ETNK2: variants seen among roughly 807,000 people sequenced by gnomAD.
ETNK2 encodes the protein ethanolamine kinase 2.
A neutral mutation model predicts 46.2 loss-of-function variants in ETNK2; 33 were observed. The observed-to-expected ratio is 0.71, with a 90% CI of 0.54 to 0.96. ETNK2 has a LOEUF of 0.96. Among genes scored for constraint, ETNK2 ranks in the 40% least tolerant of loss-of-function variants. The pLI is 0.00. For missense variants in ETNK2, 445 were observed against 509.7 expected, an observed-to-expected ratio of 0.87 and a Z score of 1.22; for synonymous variants, 194 against 209.0, an observed-to-expected ratio of 0.93 and a Z score of 0.62.
chr1:204,145,237 G>A (rs1446706026), intron 3 of ETNK2, among the ~76,000 whole-genome samples: 2 of 152,212 alleles, frequency 1.3e-5, no homozygotes, highest in Non-Finnish European at 2.9e-5. Flanking sequence ...CAAAGAGATT[G>A]GGCCAGCTCT....
intron 3 of ETNK2, among the ~76,000 whole-genome samples, chr1:204,143,878 C>T (rs187516074): frequency 5.9e-5 from 9 of 152,322 alleles, no homozygotes; most frequent in Middle Eastern, 3.4e-3. Context: ...ACTCTGGACA[C>T]ATCCATGTCA....
chr1:204,136,971 G>A, intron 6 of ETNK2, 133 bp downstream of exon 6: 1 of 1,204,594 alleles, frequency 8.3e-7, no homozygotes, highest in Non-Finnish European at 1.2e-6. Context: ...CTCTAGGGTG[G>A]GGTCAGGAGC....
At chr1:204,136,410 T>C (rs1657284709) in intron 6 of ETNK2, among the ~76,000 whole-genome samples, 1 of 148,804 alleles carries the variant, frequency 6.7e-6, no homozygotes, top group Non-Finnish European at 1.5e-5. Context: ...AAAGTATATA[T>C]ATATATATAT....
chr1:204,145,960 T>G (rs1195714915), intron 3 of ETNK2, among the ~76,000 whole-genome samples: 1 of 151,750 alleles, frequency 6.6e-6, no homozygotes, highest in Non-Finnish European at 1.5e-5. Flanking sequence ...CTGGTCAGAG[T>G]GCTTAAGGGA....
In ETNK2 at chr1:204,151,870, C is replaced by T. The variant is rs548341006; in HGVS notation, c.-18G>A. 1 of 1,421,212 alleles carries T rather than the reference C, an allele frequency of 7.0e-7. No homozygotes were observed. Among genetic ancestry groups the T allele is most frequent in the Non-Finnish European group, 9.1e-7 (1 of 1,093,032 alleles). The allele number at this position is 1,421,212 out of a possible 1,614,324, so 88.0% of individuals were successfully genotyped here. On this transcript the variant is annotated 5_prime_UTR_variant, in exon 1 of 8. Coordinates refer to ENST00000367202, the MANE Select transcript of ETNK2 (RefSeq NM_018208.4). The surrounding 1 kb of genome is among the most constrained non-coding windows in gnomAD (Gnocchi z 8.0). ...ACAGCCATTCCCAGCAGCCCCACCC[C>T]CTCGGAGCCGCGGCAGACGCTAGCC...
intron 2 of ETNK2, among the ~76,000 whole-genome samples, chr1:204,147,749 TGGGATAACAGAGCAGTTTTGGG>T (rs1471503267): frequency 6.6e-6 from 1 of 152,206 alleles, no homozygotes; most frequent in Non-Finnish European, 1.5e-5. Flanking sequence ...CATACCCTAC[TGGGATAACAGAGCAGTTTTGGG>T]GTTCCTCTGG....
chr1:204,149,992 GGGT>G, intron 1 of ETNK2, 30 bp from the exon 2 acceptor site: 6 of 920,688 alleles, frequency 6.5e-6, no homozygotes, highest in South Asian at 4.5e-5. Flanking sequence ...GTGCGTGGGT[GGGT>G]GGGTGGGGCA....
chr1:204,139,781 TGCATGGTATA>T (rs1443198822), intron 5 of ETNK2, among the ~76,000 whole-genome samples: 8 of 152,212 alleles, frequency 5.3e-5, no homozygotes, highest in African/African-American at 1.9e-4. Context: ...ACACCTAGGC[TGCATGGTATA>T]GCCTGTTGCT....
chr1:204,145,734 C>T (rs1306153938), intron 3 of ETNK2, among the ~76,000 whole-genome samples: 2 of 152,178 alleles, frequency 1.3e-5, no homozygotes, highest in Admixed American at 1.3e-4. Flanking sequence ...ACATCCTTCA[C>T]CTCAAACCTC....
At chr1:204,134,712 G>A (rs1657215776) in intron 6 of ETNK2, 124 bp from the exon 7 acceptor site, 1 of 1,600,356 alleles carries the variant, frequency 6.2e-7, no homozygotes, top group South Asian at 1.1e-5. Context: ...AGATGTGGTG[G>A]GGTCTCCCTA....
intron 3 of ETNK2, 73 bp downstream of exon 3, chr1:204,146,569 G>C: frequency 1.3e-6 from 2 of 1,582,030 alleles, no homozygotes; most frequent in Admixed American, 3.4e-5. Context: ...TCCTAGCAGG[G>C]TGGGCTGGAG....
intron 5 of ETNK2, 51 bp from the exon 6 acceptor site, chr1:204,137,300 G>C: frequency 6.3e-7 from 1 of 1,594,734 alleles, no homozygotes; most frequent in Non-Finnish European, 8.5e-7. Flanking sequence ...GCCCACCAAG[G>C]GTCTCCTCAA....
intron 5 of ETNK2, chr1:204,139,060 T>C (rs1423564165): frequency 6.6e-6 from 1 of 152,160 alleles, no homozygotes; most frequent in East Asian, 1.9e-4. Context: ...GTAGGTACTA[T>C]CATCATCTCC....
At chr1:204,141,118 G>T in intron 4 of ETNK2, 197 bp downstream of exon 4, 1 of 731,358 alleles carries the variant, frequency 1.4e-6, no homozygotes, top group Non-Finnish European at 2.4e-6. Context: ...GAGCCACTGA[G>T]ACTGGCCCTT....
At chr1:204,140,912 T>G (rs531357343) in intron 4 of ETNK2, 86 of 341,788 alleles carry the variant, frequency 2.5e-4, no homozygotes, top group African/African-American at 1.7e-3. Context: ...AGCCTCCACC[T>G]CCCAGGCTCA....
Position 204,149,769 on chromosome 1 carries a change from A to G in ETNK2, c.452T>C (p.Leu151Pro). The change falls in exon 2 of 8, where the codon CTG becomes CCG. Residue 151 changes from leucine (L) to proline (P), a missense_variant. By Grantham distance (98) the Leu-to-Pro change is moderately conservative. Coordinates refer to ENST00000367202, the MANE Select transcript of ETNK2 (RefSeq NM_018208.4). The stretch of plus-strand genomic sequence containing the variant: ...CACACCCTGCATGTACTCATAGCAC[A>G]GCCCATTCTGGAAGGTGCAGTAGAG... Reference protein sequence around the residue: ...PKLYCTFQNGLCYEYMQGVAL... With the variant: ...PKLYCTFQNGPCYEYMQGVAL... The G allele has an allele frequency of 6.2e-7, 1 of 1,606,780 alleles. No homozygotes were observed.
chr1:204,136,884 C>G (rs1657307242), intron 6 of ETNK2, among the ~76,000 whole-genome samples: 1 of 152,170 alleles, frequency 6.6e-6, no homozygotes, highest in Non-Finnish European at 1.5e-5. Flanking sequence ...AGAGCCTAGA[C>G]TTGGTGGGGC....
intron 6 of ETNK2, among the ~76,000 whole-genome samples, chr1:204,135,214 C>T (rs554656329): frequency 9.2e-5 from 14 of 152,224 alleles, no homozygotes; most frequent in Admixed American, 4.6e-4. Flanking sequence ...AGCCTCAAAC[C>T]GTGCTCTCCT....
chr1:204,136,299 G>A (rs374851895), intron 6 of ETNK2, among the ~76,000 whole-genome samples: 1 of 151,930 alleles, frequency 6.6e-6, no homozygotes, highest in African/African-American at 2.4e-5. Context: ...AGGAGGCTGA[G>A]GTGGGAGGAT....
Sources: gnomAD v4.1 joint callset for allele counts (sites outside exome capture counted in the v4.1 genomes callset) on GRCh38, gnomAD v4.1.1 for gene constraint, Gnocchi (gnomAD v3.1) non-coding constraint, MANE v1.5 for transcripts, NCBI Gene and HGNC (gene_info 2026-07-23, HGNC 2026-07-21) for gene names.